Variants in PTPRG observed in about 807,000 individuals in gnomAD.
PTPRG encodes receptor-type tyrosine-protein phosphatase gamma.
In PTPRG, 102 loss-of-function variants were observed where a neutral mutation model predicts 165.3. The observed-to-expected ratio is 0.62, with a 90% CI of 0.53 to 0.73. The LOEUF (loss-of-function observed/expected upper bound fraction) is 0.73. PTPRG is among the 30% of genes least tolerant of loss of function. The pLI is 0.00. For missense variants in PTPRG, 1,866 were observed against 1,861.4 expected (o/e 1.00, Z -0.05); for synonymous variants, 675 against 669.5 (o/e 1.01, Z -0.13).
At chr3:61,707,536 T>C (rs2031325373) in intron 1 of PTPRG, among the ~76,000 whole-genome samples, 1 of 152,144 alleles carries the variant, frequency 6.6e-6, no homozygotes, top group South Asian at 2.1e-4. Flanking sequence ...AGGAATTACC[T>C]CTTGTTAGCA....
intron 2 of PTPRG, among the ~76,000 whole-genome samples, chr3:61,828,688 T>G (rs2036181494): frequency 6.6e-6 from 1 of 152,124 alleles, no homozygotes; most frequent in African/African-American, 2.4e-5. Context: ...AGGCTTCAGA[T>G]AGGATAGTAT....
At chr3:61,756,337 C>A (rs1010065392) in intron 2 of PTPRG, among the ~76,000 whole-genome samples, 14 of 152,096 alleles carry the variant, frequency 9.2e-5, no homozygotes, top group Non-Finnish European at 1.9e-4. Flanking sequence ...CTGTTTCTTC[C>A]TACAGATACT....
chr3:62,070,144 T>A (rs1701162659), intron 4 of PTPRG, among the ~76,000 whole-genome samples: 1 of 152,220 alleles, frequency 6.6e-6, no homozygotes, highest in African/African-American at 2.4e-5. Flanking sequence ...CTTCTTTTGT[T>A]GAAGTATTAA....
intron 2 of PTPRG, among the ~76,000 whole-genome samples, chr3:61,795,943 C>T (rs1008789357): frequency 2.0e-5 from 3 of 152,098 alleles, no homozygotes; most frequent in Admixed American, 6.5e-5. Context: ...AATAATTGAA[C>T]AGCAGCAGAT....
intron 4 of PTPRG, among the ~76,000 whole-genome samples, chr3:62,032,455 C>G (rs1301327193): frequency 1.3e-5 from 2 of 152,160 alleles, no homozygotes; most frequent in African/African-American, 2.4e-5. Flanking sequence ...TCTGGAGTTT[C>G]CAGTGGCTAA....
intron 1 of PTPRG, among the ~76,000 whole-genome samples, chr3:61,719,295 A>G (rs2031948645): frequency 6.6e-6 from 1 of 152,188 alleles, no homozygotes; most frequent in African/African-American, 2.4e-5. Flanking sequence ...AATTTTTTTA[A>G]TTAACAGAGA....
chr3:62,204,040 A>C, intron 12 of PTPRG, 90 bp downstream of exon 12: 1 of 1,482,724 alleles, frequency 6.7e-7, no homozygotes, highest in Non-Finnish European at 9.0e-7. Context: ...GTGAAGCTTC[A>C]GAAGGTACTT....
rs1024929589 is a variant in PTPRG, at chr3:61,947,814, G to A, written c.191-41811G>A. ...AAGTCTTATCCTTGGACCAGTCACC[G>A]CATCTAGAGGGAAAAACTTGTCTAA... On this transcript the variant is annotated intron_variant, in intron 2 of 29. Coordinates refer to ENST00000474889, the MANE Select transcript of PTPRG (RefSeq NM_002841.4). 2.0e-4 allele frequency among the ~76,000 whole-genome samples: 31 copies of A among 152,190 alleles called. No homozygotes were observed. The East Asian group carries it at 2.1e-3, about 10-fold the overall frequency.
intron 2 of PTPRG, among the ~76,000 whole-genome samples, chr3:61,781,890 G>GTT (rs34682047): frequency 0.7 from 93,041 of 133,638 alleles, 34,204 homozygotes; most frequent in Non-Finnish European, 0.82. Flanking sequence ...ACCATGCCCA[G>GTT]TTTTTTTTTT....
chr3:61,572,824 G>A (rs920147324), intron 1 of PTPRG, among the ~76,000 whole-genome samples: 3 of 152,174 alleles, frequency 2.0e-5, no homozygotes, highest in Non-Finnish European at 4.4e-5. Context: ...TCCCGTAGTG[G>A]TTATTTACAA....
At chr3:61,732,414 A>G (rs900762910) in intron 1 of PTPRG, among the ~76,000 whole-genome samples, 1 of 152,188 alleles carries the variant, frequency 6.6e-6, no homozygotes, top group Non-Finnish European at 1.5e-5. Context: ...TGTCTCTACT[A>G]AAAATACAAA....
chr3:61,751,448 C>T lies in PTPRG; in HGVS notation c.190+2466C>T, dbSNP rs530075049. Among the ~76,000 whole-genome samples the T allele has an allele frequency of 5.8e-4, 88 of 152,228 alleles. 1 individual carries two copies. The South Asian group carries it at 0.014, about 24-fold the overall frequency. On this transcript the variant is annotated intron_variant, in intron 2 of 29. Transcript: ENST00000474889. ...GTTCCTCAAAGATTGCTTTAATAGT[C>T]TAGATTTTAATCTGAGGCCTCAAAT...
intron 5 of PTPRG, among the ~76,000 whole-genome samples, chr3:62,108,734 A>G (rs1381724923): frequency 6.6e-6 from 1 of 152,122 alleles, no homozygotes; most frequent in African/African-American, 2.4e-5. Flanking sequence ...AATGATCCCC[A>G]TTCTAACTGG....
At chr3:61,576,590 T>A (rs982579407) in intron 1 of PTPRG, among the ~76,000 whole-genome samples, 1 of 152,216 alleles carries the variant, frequency 6.6e-6, no homozygotes, top group African/African-American at 2.4e-5. Flanking sequence ...TAGAATCATT[T>A]TCAATAGTTG....
rs369951280 is a variant in PTPRG, at chr3:61,691,232, G to A, written c.86-57646G>A. On this transcript the variant is annotated intron_variant, in intron 1 of 29. Coordinates refer to ENST00000474889, the MANE Select transcript of PTPRG (RefSeq NM_002841.4). ...GTTTGAGACCACCCTGGGCAACATAGAGAGACCCCATCTCTACAAAAATAA... is the reference window on the plus strand; with the variant it reads ...GTTTGAGACCACCCTGGGCAACATAAAGAGACCCCATCTCTACAAAAATAA... 3.3e-5 allele frequency among the ~76,000 whole-genome samples: 5 copies of A among 152,184 alleles called. No individual in the cohort carries two copies. The East Asian group carries it at 5.8e-4, about 18-fold the overall frequency.
chr3:62,073,862 G>T (rs1243043434), intron 4 of PTPRG, among the ~76,000 whole-genome samples: 1 of 152,142 alleles, frequency 6.6e-6, no homozygotes, highest in Non-Finnish European at 1.5e-5. Context: ...AACTGTTCCG[G>T]ATGAAGATGG....
rs74662799 is a variant in PTPRG, at chr3:62,151,222, G to T, written c.683-5845G>T. ...TGCAAGGATAACTGGGCCGCGCTGG[G>T]CTTAATGGTTGACCATGACTTGAAA... is the stretch of plus-strand genomic sequence containing the variant. On this transcript the variant is annotated intron_variant, in intron 6 of 29. Transcript: ENST00000474889. Among the ~76,000 whole-genome samples the T allele has an allele frequency of 4.8e-3, 728 of 152,280 alleles. 5 individuals are homozygous for T. The highest frequency in any genetic ancestry group is 0.015 in the African/African-American group (635 of 41,566).
At chr3:61,846,625 C>G (rs2036813027) in intron 2 of PTPRG, among the ~76,000 whole-genome samples, 1 of 151,136 alleles carries the variant, frequency 6.6e-6, no homozygotes, top group Non-Finnish European at 1.5e-5. Flanking sequence ...GAAAGAGAGA[C>G]AATATTTTTA....
chr3:62,266,038 G>A (rs1219896393), intron 17 of PTPRG, among the ~76,000 whole-genome samples: 1 of 152,136 alleles, frequency 6.6e-6, no homozygotes, highest in African/African-American at 2.4e-5. Flanking sequence ...ACTAATGTGT[G>A]ATGTGCCCAA....
Sources: allele counts gnomAD v4.1 joint callset (sites outside exome capture counted in the v4.1 genomes callset), GRCh38; gene constraint gnomAD v4.1.1; transcripts MANE v1.5; gene names NCBI Gene and HGNC (gene_info 2026-07-23, HGNC 2026-07-21).